The following NIM1K variants were observed in gnomAD, a reference collection of about 807,000 sequenced individuals.
The protein encoded by NIM1K is serine/threonine-protein kinase NIM1.
Under a neutral mutation model 37.1 loss-of-function variants are expected in NIM1K, and 35 were observed. The observed-to-expected ratio is 0.94, with a 90% CI of 0.72 to 1.25. The LOEUF (loss-of-function observed/expected upper bound fraction) is 1.25, where lower values mean the gene tolerates loss of function less well. Among genes scored for constraint, NIM1K ranks in the 50% most tolerant of loss-of-function variants. The pLI is 0.00. For synonymous variants in NIM1K, 234 were observed against 206.6 expected, an observed-to-expected ratio of 1.13 and a Z score of -1.14; for missense variants, 564 against 548.0, an observed-to-expected ratio of 1.03 and a Z score of -0.29.
intron 1 of NIM1K, chr5:43,232,494 G>A: frequency 6.6e-7 from 1 of 1,514,906 alleles, no homozygotes; most frequent in Non-Finnish European, 9.2e-7. Flanking sequence ...AACCTATTCA[G>A]TTTAGTATAG....
chr5:43,234,025 A>G (rs1435801922), intron 1 of NIM1K, among the ~76,000 whole-genome samples: 1 of 152,230 alleles, frequency 6.6e-6, no homozygotes, highest in African/African-American at 2.4e-5. Context: ...CTATTGGGAC[A>G]TGACTTCATT....
intron 1 of NIM1K, among the ~76,000 whole-genome samples, chr5:43,238,244 G>C (rs772876826): frequency 6.6e-6 from 1 of 150,776 alleles, no homozygotes; most frequent in Non-Finnish European, 1.5e-5. Context: ...GGGTTTCACT[G>C]TGTTAGCCAG....
chr5:43,222,640 T>G (rs1485658475), intron 1 of NIM1K, among the ~76,000 whole-genome samples: 1 of 151,624 alleles, frequency 6.6e-6, no homozygotes, highest in African/African-American at 2.4e-5. Context: ...AGGCTGAGAC[T>G]GAAGGATCAC....
At chr5:43,261,195 C>T (rs1753024788) in intron 2 of NIM1K, among the ~76,000 whole-genome samples, 1 of 152,182 alleles carries the variant, frequency 6.6e-6, no homozygotes, top group Non-Finnish European at 1.5e-5. Context: ...CATTGACTTC[C>T]TCAATGGTTG....
At chr5:43,214,959 T>C (rs1752279343) in intron 1 of NIM1K, among the ~76,000 whole-genome samples, 1 of 152,188 alleles carries the variant, frequency 6.6e-6, no homozygotes, top group African/African-American at 2.4e-5. Context: ...TGGGGGTAGA[T>C]GTGAACTGAG....
At chr5:43,242,126 A>G (rs773443903) in intron 1 of NIM1K, among the ~76,000 whole-genome samples, 3 of 152,028 alleles carry the variant, frequency 2.0e-5, no homozygotes, top group African/African-American at 7.3e-5. Flanking sequence ...ACCGTTTTGC[A>G]AGAAGTTTCA....
intron 2 of NIM1K, among the ~76,000 whole-genome samples, chr5:43,269,401 T>C (rs1297436778): frequency 6.6e-6 from 1 of 151,314 alleles, no homozygotes; most frequent in African/African-American, 2.4e-5. Flanking sequence ...CTTTACCTTG[T>C]GCTTGTGTGA....
At position 43,201,315 on chromosome 5, in the gene NIM1K, A is replaced by T. The variant is rs139230311; in HGVS notation, c.-695+8904A>T. ...TCCCAGCTACTGGGGAGGCTGAGGC[A>T]GGAGAATGGCGTGAACCTGGGAGGC... On this transcript the variant is annotated intron_variant, in intron 1 of 3. Coordinates refer to ENST00000326035, the MANE Select transcript of NIM1K (RefSeq NM_153361.4). Among the ~76,000 whole-genome samples the T allele has an allele frequency of 6.5e-3, 986 of 151,856 alleles. 9 individuals are homozygous for T. Among genetic ancestry groups the T allele is most frequent in the African/African-American group, 0.023 (949 of 41,408 alleles).
intron 2 of NIM1K, among the ~76,000 whole-genome samples, chr5:43,267,816 C>A (rs1000679728): frequency 6.6e-6 from 1 of 152,090 alleles, no homozygotes; most frequent in Non-Finnish European, 1.5e-5. Flanking sequence ...TGAGAAGATG[C>A]TTGATATGAT....
At chr5:43,225,821 A>G (rs1362692306) in intron 1 of NIM1K, 1 of 152,990 alleles carries the variant, frequency 6.5e-6, no homozygotes, top group African/African-American at 2.4e-5. Context: ...TTCAAAGTCA[A>G]AAAGGGTCAC....
intron 1 of NIM1K, among the ~76,000 whole-genome samples, chr5:43,196,773 G>GT (rs1416832373): frequency 6.6e-6 from 1 of 152,072 alleles, no homozygotes; most frequent in South Asian, 2.1e-4. Flanking sequence ...TTATGTTGCT[G>GT]TTTTTTCTTT....
intron 2 of NIM1K, among the ~76,000 whole-genome samples, chr5:43,253,402 C>CAATG (rs1399769378): frequency 6.6e-6 from 1 of 151,572 alleles, no homozygotes; most frequent in Non-Finnish European, 1.5e-5. Context: ...GAAAAGCTTG[C>CAATG]AATGGGTCTT....
intron 2 of NIM1K, among the ~76,000 whole-genome samples, chr5:43,253,208 A>G (rs1752892438): frequency 4.3e-5 from 3 of 69,646 alleles, no homozygotes; most frequent in South Asian, 7.1e-4. Context: ...ATATAATATA[A>G]TATATGTGTG....
intron 1 of NIM1K, chr5:43,207,563 G>A: frequency 1.5e-6 from 1 of 688,538 alleles, no homozygotes. Flanking sequence ...TTCCACATGG[G>A]AGTTTCTCAG....
chr5:43,280,664 C>G lies in NIM1K; in HGVS notation c.1246C>G (p.Leu416Val), dbSNP rs1204888814. The G allele has an allele frequency of 1.9e-6, 3 of 1,612,020 alleles. No individual in the cohort carries two copies. The highest frequency in any genetic ancestry group is 1.1e-5 in the South Asian group (1 of 90,754). ...MMLPDPKERD[L>V]KKGSRVYRGI... ...GCTACCAGACCCTAAAGAAAGAGACCTCAAAAAAGGGTCCCGTGTCTACAG... is the reference window on the plus strand; with the variant it reads ...GCTACCAGACCCTAAAGAAAGAGACGTCAAAAAAGGGTCCCGTGTCTACAG... The change falls in exon 4 of 4, where the codon CTC becomes GTC. Residue 416 changes from leucine to valine, a missense_variant. By Grantham distance (32) the Leu-to-Val change is conservative. Coordinates refer to ENST00000326035, the MANE Select transcript of NIM1K (RefSeq NM_153361.4).
At chr5:43,250,240 A>G (rs1752849138) in intron 2 of NIM1K, among the ~76,000 whole-genome samples, 2 of 152,074 alleles carry the variant, frequency 1.3e-5, no homozygotes, top group Admixed American at 1.3e-4. Flanking sequence ...AGATTTTTAA[A>G]ATATATTTAT....
chr5:43,206,583 A>T, intron 1 of NIM1K: 1 of 568,456 alleles, frequency 1.8e-6, no homozygotes. Context: ...TGAAGGCTGA[A>T]TAAGAAACGA....
chr5:43,220,820 A>G (rs1752370534), intron 1 of NIM1K, among the ~76,000 whole-genome samples: 1 of 152,200 alleles, frequency 6.6e-6, no homozygotes, highest in South Asian at 2.1e-4. Flanking sequence ...ACATAGTTAT[A>G]ATGATTACTT....
chr5:43,229,696 G>A (rs889147186), intron 1 of NIM1K, among the ~76,000 whole-genome samples: 1 of 149,012 alleles, frequency 6.7e-6, no homozygotes, highest in Non-Finnish European at 1.5e-5. Flanking sequence ...GAGTGCAGTG[G>A]CACCATCTCA....
Sources: gnomAD v4.1 joint callset for allele counts (sites outside exome capture counted in the v4.1 genomes callset) on GRCh38, gnomAD v4.1.1 for gene constraint, MANE v1.5 for transcripts, NCBI Gene and HGNC (gene_info 2026-07-23, HGNC 2026-07-21) for gene names.